BACH2: variants seen among roughly 807,000 people sequenced by gnomAD.
The protein encoded by BACH2 is BACH transcriptional regulator 2.
Under a neutral mutation model 61.8 loss-of-function variants are expected in BACH2, and 5 were observed. That is an observed-to-expected ratio of 0.08 (90% CI 0.04 to 0.17). BACH2 has a LOEUF of 0.17. BACH2 is among the 10% of genes least tolerant of loss of function. The pLI is 1.00. For missense variants in BACH2, 824 were observed against 1,091.1 expected (o/e 0.76, Z 3.45); for synonymous variants, 446 against 440.1 (o/e 1.01, Z -0.17).
intron 4 of BACH2, among the ~76,000 whole-genome samples, chr6:90,121,085 T>C (rs146349004): frequency 7.9e-4 from 120 of 152,262 alleles, no homozygotes; most frequent in African/African-American, 2.7e-3. Flanking sequence ...TCTTAAAAAA[T>C]TCCTCACTTA....
At chr6:90,001,458 C>T (rs928819503) in intron 6 of BACH2, 1 of 152,252 alleles carries the variant, frequency 6.6e-6, no homozygotes, top group African/African-American at 2.4e-5. Flanking sequence ...CCCAATCAAC[C>T]TGGCGATGTT....
rs115338282 is a variant in BACH2 at position 90,092,870 on chromosome 6, G to A, written c.-161-3761C>T. Among the ~76,000 whole-genome samples, 822 of 152,262 alleles carry A rather than the reference G, an allele frequency of 5.4e-3. 10 individuals carry two copies. The highest frequency in any genetic ancestry group is 0.018 in the African/African-American group (761 of 41,540). ...TGGAAGCCAATGGATCTGTGATGTAGGACGTGGCCATGGTAGTGATGGGAG... is the reference window on the plus strand; with the variant it reads ...TGGAAGCCAATGGATCTGTGATGTAAGACGTGGCCATGGTAGTGATGGGAG... On this transcript the variant is annotated intron_variant, in intron 4 of 8. Transcript: ENST00000257749.
intron 4 of BACH2, among the ~76,000 whole-genome samples, chr6:90,097,383 A>G (rs1782424052): frequency 6.6e-6 from 1 of 152,192 alleles, no homozygotes; most frequent in African/African-American, 2.4e-5. Context: ...ACATGTGAGT[A>G]ATGGACCGAG....
At chr6:90,075,351 T>C (rs545907035) in intron 5 of BACH2, among the ~76,000 whole-genome samples, 1 of 152,282 alleles carries the variant, frequency 6.6e-6, no homozygotes, top group East Asian at 1.9e-4. Flanking sequence ...AAAAACATTT[T>C]ACATGATGCC....
chr6:90,028,450 T>G (rs1778754333), intron 5 of BACH2, among the ~76,000 whole-genome samples: 1 of 152,242 alleles, frequency 6.6e-6, no homozygotes, highest in South Asian at 2.1e-4. Flanking sequence ...TTTCTCTCTC[T>G]GCTACCTTTT....
At chr6:89,964,987 C>T (rs1046412940) in intron 6 of BACH2, among the ~76,000 whole-genome samples, 4 of 152,118 alleles carry the variant, frequency 2.6e-5, no homozygotes, top group South Asian at 4.2e-4. Context: ...CAGGTTCAAG[C>T]GATTCTCGTG....
intron 5 of BACH2, among the ~76,000 whole-genome samples, chr6:90,015,877 T>G (rs1455733716): frequency 6.6e-6 from 1 of 152,234 alleles, no homozygotes; most frequent in Non-Finnish European, 1.5e-5. Flanking sequence ...ACTTTCCGGC[T>G]ACAATTGTAG....
chr6:90,284,447 A>T (rs1456507434), intron 1 of BACH2, among the ~76,000 whole-genome samples: 1 of 152,148 alleles, frequency 6.6e-6, no homozygotes, highest in Non-Finnish European at 1.5e-5. Context: ...ACTTAGCAAT[A>T]CCACAGCCCT....
intron 3 of BACH2, among the ~76,000 whole-genome samples, chr6:90,237,717 C>A (rs945581331): frequency 2.0e-5 from 3 of 152,182 alleles, no homozygotes; most frequent in Non-Finnish European, 4.4e-5. Context: ...TGGGAAATGT[C>A]AAGATCTCTA....
At chr6:90,021,531 T>A (rs1193948748) in intron 5 of BACH2, among the ~76,000 whole-genome samples, 1 of 152,220 alleles carries the variant, frequency 6.6e-6, no homozygotes, top group Non-Finnish European at 1.5e-5. Flanking sequence ...AATACTTCTG[T>A]GAATCAAACA....
At chr6:90,139,468 G>A (rs1471018273) in intron 4 of BACH2, among the ~76,000 whole-genome samples, 4 of 152,328 alleles carry the variant, frequency 2.6e-5, no homozygotes, top group Non-Finnish European at 5.9e-5. Context: ...AGCTGACTAC[G>A]TGGAGCTGTC....
chr6:90,147,309 T>C (rs1010474), intron 4 of BACH2, among the ~76,000 whole-genome samples: 36,849 of 152,158 alleles, frequency 0.24, 5,726 homozygotes, highest in Non-Finnish European at 0.35. Context: ...GGCCTTTTTC[T>C]GCCACGTCCC....
At chr6:90,044,045 G>T (rs1367157695) in intron 5 of BACH2, among the ~76,000 whole-genome samples, 1 of 152,118 alleles carries the variant, frequency 6.6e-6, no homozygotes, top group East Asian at 1.9e-4. Context: ...ATGATGCCAT[G>T]TACTGTTCTA....
At chr6:90,126,427 G>C (rs1300969895) in intron 4 of BACH2, among the ~76,000 whole-genome samples, 1 of 152,154 alleles carries the variant, frequency 6.6e-6, no homozygotes, top group African/African-American at 2.4e-5. Flanking sequence ...AAAGCTTTGG[G>C]TCTGCCACAG....
At position 90,110,342 on chromosome 6, in the gene BACH2, A is replaced by G. The variant is rs114700706; in HGVS notation, c.-161-21233T>C. Among the ~76,000 whole-genome samples, 635 of 152,296 alleles carry G rather than the reference A, an allele frequency of 4.2e-3. 3 individuals carry two copies. Among genetic ancestry groups the G allele is most frequent in the African/African-American group, 0.015 (607 of 41,562 alleles). On this transcript the variant is annotated intron_variant, in intron 4 of 8. Coordinates refer to ENST00000257749, the MANE Select transcript of BACH2 (RefSeq NM_021813.4). ...AACTTTTTTTACTTTGTTAATATTA[A>G]AATCTATTGGTCTATCTTGCGCTTT...
At chr6:90,150,907 A>G (rs1326421960) in intron 4 of BACH2, among the ~76,000 whole-genome samples, 1 of 152,226 alleles carries the variant, frequency 6.6e-6, no homozygotes. Context: ...CTAAAGCAAG[A>G]GAGCTGAGCG....
intron 6 of BACH2, among the ~76,000 whole-genome samples, chr6:90,006,808 G>T (rs914111086): frequency 1.3e-5 from 2 of 151,908 alleles, no homozygotes; most frequent in Non-Finnish European, 2.9e-5. Context: ...GTAGAGATGG[G>T]GGTCTCCCTA....
chr6:90,008,606 T>A lies in BACH2; in HGVS notation c.239A>T (p.Glu80Val). Residue 80 changes from glutamate to valine, a missense_variant, in exon 6 of 9, where the codon GAG becomes GTG. Glu to Val is a moderately radical substitution (Grantham distance 121). Around this residue, in one of 8 missense-constraint regions of BACH2, gnomAD observed 66 missense variants for 144.8 expected, o/e 0.46. Transcript: ENST00000257749. This position sits in a 1 kb window ranked among gnomAD's most constrained non-coding sequence, Gnocchi z 4.1. The stretch of plus-strand genomic sequence containing the variant: ...ACACAAACCAAATTACTGTACCTCC[T>A]CAGGCAAGCTGACCACCAAATCATT... ...TKNDLVVSLPEEVTARGFGPL... is the reference protein window; with the variant it reads ...TKNDLVVSLPVEVTARGFGPL... 1 of 1,614,090 alleles carries A rather than the reference T, an allele frequency of 6.2e-7. No individual in the cohort carries two copies. Among genetic ancestry groups the A allele is most frequent in the Non-Finnish European group, 8.5e-7 (1 of 1,180,034 alleles).
At chr6:90,284,611 G>T (rs1207770482) in intron 1 of BACH2, among the ~76,000 whole-genome samples, 1 of 152,016 alleles carries the variant, frequency 6.6e-6, no homozygotes, top group Non-Finnish European at 1.5e-5. Context: ...ATTTCTAAAC[G>T]ATGAAATGAT....
Sources: gnomAD v4.1 joint callset for allele counts (sites outside exome capture counted in the v4.1 genomes callset) on GRCh38, gnomAD v4.1.1 for gene constraint, gnomAD v4.1.1 regional missense constraint, Gnocchi (gnomAD v3.1) non-coding constraint, MANE v1.5 for transcripts, NCBI Gene and HGNC (gene_info 2026-07-23, HGNC 2026-07-21) for gene names.